Variants in N4BP2 observed in about 807,000 individuals in gnomAD.
N4BP2 encodes the protein NEDD4 binding protein 2, also known as NEDD4-binding protein 2.
Under a neutral mutation model 152.8 loss-of-function variants are expected in N4BP2, and 91 were observed. The observed-to-expected ratio is 0.60, with a 90% CI of 0.50 to 0.71. N4BP2 has a LOEUF of 0.71. Ranked by LOEUF, N4BP2 falls within the 30% of genes least tolerant of loss-of-function variation. The pLI, the probability that N4BP2 is intolerant of heterozygous loss-of-function variation, is 0.00. For synonymous variants in N4BP2, 646 were observed against 705.3 expected, an observed-to-expected ratio of 0.92 and a Z score of 1.33; for missense variants, 1,923 against 2,059.1, an observed-to-expected ratio of 0.93 and a Z score of 1.28.
intron 16 of N4BP2, among the ~76,000 whole-genome samples, chr4:40,147,388 C>T (rs1369160501): frequency 2.0e-5 from 3 of 152,218 alleles, no homozygotes; most frequent in East Asian, 1.9e-4. Context: ...TCCACAAAAC[C>T]GCCATTGTCA....
At chr4:40,169,899 G>T in the N4BP2 span, among the ~76,000 whole-genome samples, 1 of 150,974 alleles carries the variant, frequency 6.6e-6, no homozygotes, top group East Asian at 1.9e-4. Flanking sequence ...GGGAGGCAGA[G>T]GTTTCAGTGA....
chr4:40,115,311 A>G (rs1717245138), intron 7 of N4BP2, among the ~76,000 whole-genome samples: 1 of 152,274 alleles, frequency 6.6e-6, no homozygotes, highest in Admixed American at 6.5e-5. Context: ...AGTCTGGGCA[A>G]CAGAGTGGGA....
chr4:40,171,483 G>A, the N4BP2 span, among the ~76,000 whole-genome samples: 2,899 of 152,214 alleles, frequency 0.019, 89 homozygotes, highest in African/African-American at 0.065. Context: ...ATCATCCCCT[G>A]TGATGTGGCT....
In N4BP2 at chr4:40,123,230, T is replaced by C; in HGVS notation, c.4284+18T>C. 3 of 1,512,574 alleles carry C rather than the reference T, an allele frequency of 2.0e-6. No individual in the cohort carries two copies. The South Asian group carries it at 3.4e-5, about 17-fold the overall frequency. The allele number at this position is 1,512,574 out of a possible 1,614,324, so 93.7% of individuals were successfully genotyped here. A position where few individuals can be genotyped will look rare whatever the true frequency, so the allele number is the denominator to read the frequency against. Reference sequence around the variant, plus strand: ...CTGTAATGGTTGGTAGGCTTCTTTTTATAAAGAGCTCCTTTTTTGTCCATT... The same window carrying C: ...CTGTAATGGTTGGTAGGCTTCTTTTCATAAAGAGCTCCTTTTTTGTCCATT... On this transcript the variant is annotated intron_variant, in intron 10 of 17. Coordinates refer to ENST00000261435, the MANE Select transcript of N4BP2 (RefSeq NM_018177.6).
chr4:40,122,690 A>G (rs2110000134), intron 9 of N4BP2, among the ~76,000 whole-genome samples: 1 of 152,372 alleles, frequency 6.6e-6, no homozygotes, highest in East Asian at 1.9e-4. Context: ...GAATATTTAT[A>G]TGGAGTTTGT....
At chr4:40,187,195 T>G in the N4BP2 span, among the ~76,000 whole-genome samples, 80 of 152,302 alleles carry the variant, frequency 5.3e-4, no homozygotes, top group African/African-American at 1.9e-3. Flanking sequence ...AACTATAAAA[T>G]TTCTCTTGAA....
In N4BP2 at chr4:40,120,818, A is replaced by G; in HGVS notation, c.2707A>G (p.Thr903Ala). ...GGAACACAGATCAAGAATGCCAAAG[A>G]CTGGTTTAAGTGAGCCCAACCTAGA... is the stretch of plus-strand genomic sequence containing the variant. Reference protein sequence around the residue: ...QREHRSRMPKTGLSEPNLEIG... With the variant: ...QREHRSRMPKAGLSEPNLEIG... Residue 903 changes from threonine (T) to alanine (A), a missense_variant, in exon 9 of 18, where the codon ACT becomes GCT. Physicochemically the swap from Thr to Ala is moderately conservative, Grantham distance 58. Coordinates refer to ENST00000261435, the MANE Select transcript of N4BP2 (RefSeq NM_018177.6). 2 of 1,614,154 alleles carry G rather than the reference A, an allele frequency of 1.2e-6. No individual in the cohort carries two copies. The highest frequency in any genetic ancestry group is 2.2e-5 in the South Asian group (2 of 91,080).
At position 40,081,225 on chromosome 4, in the gene N4BP2, A is replaced by G. The variant is rs1296003493; in HGVS notation, c.-115+7674A>G. ...AGCATATAAAAAATATATTAAAAAA[A>G]TCACCTATGATTCTATTATCCAGAG... On this transcript the variant is annotated intron_variant, in intron 2 of 17. Transcript: ENST00000261435. Among the ~76,000 whole-genome samples, 5 of 152,334 alleles carry G rather than the reference A, an allele frequency of 3.3e-5. No individual in the cohort carries two copies. In the East Asian group the frequency reaches 7.7e-4, roughly 23 times the overall value.
the N4BP2 span, among the ~76,000 whole-genome samples, chr4:40,181,404 T>C: frequency 8.1e-4 from 124 of 152,306 alleles, no homozygotes; most frequent in Non-Finnish European, 1.4e-3. Context: ...GATTAACATA[T>C]CAATTAGGAT....
intron 2 of N4BP2, among the ~76,000 whole-genome samples, chr4:40,079,847 G>A (rs1173049962): frequency 4.6e-5 from 7 of 152,026 alleles, no homozygotes; most frequent in African/African-American, 1.7e-4. Context: ...TGCTTACCAT[G>A]TTGGAATATT....
chr4:40,093,887 A>G (rs1320793608), intron 2 of N4BP2, among the ~76,000 whole-genome samples: 2 of 152,138 alleles, frequency 1.3e-5, no homozygotes, highest in Non-Finnish European at 2.9e-5. Flanking sequence ...GGTGTGAGCC[A>G]CCGCGCCCAG....
Position 40,062,211 on chromosome 4 carries a change from C to T in N4BP2, c.-212+5181C>T, listed in dbSNP as rs1347457829. On this transcript the variant is annotated intron_variant, in intron 1 of 17. Transcript: ENST00000261435. ...CTCCTGCCTCAGTCTCCTGAGTAGC[C>T]GGGACTACAGGTGCCCACCACCACG... Among the ~76,000 whole-genome samples, 6 of 151,126 alleles carry T rather than the reference C, an allele frequency of 4.0e-5. No individual in the cohort carries two copies. In the East Asian group the frequency reaches 9.7e-4, roughly 25 times the overall value.
chr4:40,167,717 T>G, the N4BP2 span: 1 of 152,220 alleles, frequency 6.6e-6, no homozygotes, highest in Non-Finnish European at 1.5e-5. Flanking sequence ...GGGAAGATGA[T>G]GAGTGAACAA....
intron 12 of N4BP2, among the ~76,000 whole-genome samples, chr4:40,130,991 A>G (rs542500026): frequency 4.6e-5 from 7 of 152,322 alleles, no homozygotes; most frequent in Admixed American, 3.3e-4. Flanking sequence ...GAGTAATAAT[A>G]TAATTCTTAT....
At chr4:40,169,112 G>A in the N4BP2 span, among the ~76,000 whole-genome samples, 3 of 152,200 alleles carry the variant, frequency 2.0e-5, no homozygotes, top group Admixed American at 2.0e-4. Flanking sequence ...GCCGGGCGTG[G>A]TGGTTCTCGC....
At chr4:40,058,418 C>A (rs145671794) in intron 1 of N4BP2, among the ~76,000 whole-genome samples, 30 of 152,086 alleles carry the variant, frequency 2.0e-4, no homozygotes, top group African/African-American at 7.2e-4. Flanking sequence ...AAGTGCCGTG[C>A]TAGGATGGGG....
intron 5 of N4BP2, among the ~76,000 whole-genome samples, chr4:40,108,820 G>GTT (rs762951724): frequency 1.6e-4 from 23 of 141,804 alleles, no homozygotes; most frequent in Non-Finnish European, 2.3e-4. Context: ...ATTTTCCTCA[G>GTT]TTTTTTTTTT....
At chr4:40,077,516 C>T (rs1221935272) in intron 2 of N4BP2, among the ~76,000 whole-genome samples, 8 of 147,270 alleles carry the variant, frequency 5.4e-5, no homozygotes, top group South Asian at 2.2e-4. Context: ...TGCAGTGGCG[C>T]GATCTTGGCT....
At chr4:40,134,916 TC>T (rs2110019160) in intron 13 of N4BP2, among the ~76,000 whole-genome samples, 1 of 129,278 alleles carries the variant, frequency 7.7e-6, no homozygotes, top group African/African-American at 2.8e-5. Flanking sequence ...TCTCTCTCTC[TC>T]TCTCTTTCTT....
Sources: gnomAD v4.1 joint callset for allele counts (sites outside exome capture counted in the v4.1 genomes callset) on GRCh38, gnomAD v4.1.1 for gene constraint, MANE v1.5 for transcripts, NCBI Gene and HGNC (gene_info 2026-07-23, HGNC 2026-07-21) for gene names.